Variants in OTUD7B observed in about 807,000 individuals in gnomAD.
OTUD7B encodes OTU domain-containing protein 7B.
A neutral mutation model predicts 82.2 loss-of-function variants in OTUD7B; 34 were observed. That is an observed-to-expected ratio of 0.41 (90% CI 0.31 to 0.55). OTUD7B has a LOEUF of 0.55. OTUD7B is among the 20% of genes least tolerant of loss of function. OTUD7B has a pLI of 0.20. For missense variants in OTUD7B, 944 were observed against 1,062.1 expected, an observed-to-expected ratio of 0.89 and a Z score of 1.55; for synonymous variants, 398 against 402.7, an observed-to-expected ratio of 0.99 and a Z score of 0.14.
In OTUD7B at chr1:149,944,331, C is replaced by T; in HGVS notation, c.2058G>A (p.Met686Ile). 1 of 1,611,724 alleles carries T rather than the reference C, an allele frequency of 6.2e-7. No individual in the cohort carries two copies. Among genetic ancestry groups the T allele is most frequent in the South Asian group, 1.1e-5 (1 of 90,884 alleles). Residue 686 changes from methionine to isoleucine, a missense_variant, in exon 12 of 12, where the codon ATG becomes ATA. Met to Ile is a conservative substitution (Grantham distance 10). Around this residue, in one of 3 missense-constraint regions of OTUD7B, gnomAD observed 412 missense variants for 418.7 expected, o/e 0.98. Transcript: ENST00000581312. ...CCCCAGGGTAGCCAGTGGAAAATGC[C>T]ATTGCCCTGGACTCTGCTGGGGGAC... ...PTGPPAESRA[M>I]AFSTGYPGDF... is the part of the protein sequence containing the mutation.
rs1248971041 is a variant in OTUD7B, at chr1:149,985,389, AGAGC to A, written c.-66-7817_-66-7814del. Reference sequence around the variant, plus strand: ...GCGACTGCACTCCAGCTTGGGCGACAGAGCGAGACCCCATCTCAAAATAAACAAA... The same window carrying A: ...GCGACTGCACTCCAGCTTGGGCGACAGAGACCCCATCTCAAAATAAACAAA... On this transcript the variant is annotated intron_variant, in intron 1 of 11. Transcript: ENST00000581312. Among the ~76,000 whole-genome samples the A allele has an allele frequency of 2.6e-5, 4 of 152,280 alleles. No individual in the cohort carries two copies. The East Asian group carries it at 7.7e-4, about 29-fold the overall frequency.
At chr1:150,012,979 G>C (rs12087578), upstream of OTUD7B, among the ~76,000 whole-genome samples, 19,409 of 152,170 alleles carry the variant, frequency 0.13, 1,795 homozygotes, top group African/African-American at 0.26. Context: ...GTTTCTCTGC[G>C]TAGAAACTAG....
At chr1:150,001,568 C>T (rs1377751952) in intron 1 of OTUD7B, among the ~76,000 whole-genome samples, 3 of 152,144 alleles carry the variant, frequency 2.0e-5, no homozygotes, top group Admixed American at 2.0e-4. Context: ...AAGTTATCTC[C>T]CCTAAAACAG....
At chr1:150,035,684 G>C in the OTUD7B span, among the ~76,000 whole-genome samples, 3 of 152,098 alleles carry the variant, frequency 2.0e-5, no homozygotes, top group Non-Finnish European at 4.4e-5. Flanking sequence ...GCTAGGTAGG[G>C]GGATAATCCT....
chr1:149,984,341 T>C (rs1553780390), intron 1 of OTUD7B, among the ~76,000 whole-genome samples: 1 of 152,222 alleles, frequency 6.6e-6, no homozygotes, highest in Non-Finnish European at 1.5e-5. Context: ...CAAATCTCCT[T>C]GTCCTCAACC....
the OTUD7B span, among the ~76,000 whole-genome samples, chr1:150,057,226 A>G: frequency 6.6e-6 from 1 of 152,214 alleles, no homozygotes; most frequent in African/African-American, 2.4e-5. Context: ...GCTTAGAAAG[A>G]GTAATTTAGT....
the OTUD7B span, among the ~76,000 whole-genome samples, chr1:150,030,058 C>G: frequency 6.6e-6 from 1 of 152,314 alleles, no homozygotes; most frequent in South Asian, 2.1e-4. Context: ...CTACTGCATT[C>G]TAAGTACAGC....
chr1:150,039,334 TAA>T, the OTUD7B span, among the ~76,000 whole-genome samples: 14 of 152,126 alleles, frequency 9.2e-5, no homozygotes, highest in Admixed American at 8.5e-4. Context: ...ACCATAATCA[TAA>T]GACTGAATAT....
chr1:149,963,537 T>A (rs1649297413), intron 6 of OTUD7B: 1 of 129,634 alleles, frequency 7.7e-6, no homozygotes, highest in Non-Finnish European at 1.6e-5. Flanking sequence ...GATAAAAGGT[T>A]TTTTTGTTTT....
At chr1:149,958,126 T>C (rs1167373284) in intron 7 of OTUD7B, among the ~76,000 whole-genome samples, 1 of 152,168 alleles carries the variant, frequency 6.6e-6, no homozygotes, top group Non-Finnish European at 1.5e-5. Context: ...TGCTGGGAGC[T>C]GTAGACTGGA....
the OTUD7B span, among the ~76,000 whole-genome samples, chr1:150,024,535 AAT>A: frequency 6.6e-6 from 1 of 152,254 alleles, no homozygotes; most frequent in Non-Finnish European, 1.5e-5. Flanking sequence ...AAACTGGAGA[AAT>A]TAATATTTTA....
chr1:149,953,743 C>G (rs587751800), intron 7 of OTUD7B, among the ~76,000 whole-genome samples: 2 of 152,252 alleles, frequency 1.3e-5, no homozygotes, highest in Admixed American at 6.5e-5. Context: ...GTTTGTAGTT[C>G]TCCTTGAAGA....
chr1:149,966,675 C>T (rs1049123773), intron 4 of OTUD7B, among the ~76,000 whole-genome samples: 1 of 152,056 alleles, frequency 6.6e-6, no homozygotes, highest in Non-Finnish European at 1.5e-5. Flanking sequence ...GAATGAAAAA[C>T]TGGCTTATAA....
In OTUD7B at chr1:149,965,896, T is replaced by C; in HGVS notation, c.503-18A>G. The C allele has an allele frequency of 1.3e-6, 2 of 1,596,454 alleles. No individual in the cohort carries two copies. Among genetic ancestry groups the C allele is most frequent in the Non-Finnish European group, 1.7e-6 (2 of 1,164,196 alleles). On this transcript the variant is annotated intron_variant, in intron 4 of 11. Transcript: ENST00000581312. ...CAAACGCCCTGTAGAAACAAGATAG[T>C]GGAGGAAAAGGAGATTATCCATGAA...
In OTUD7B at chr1:149,939,000, T is replaced by G. The variant is rs2092745939; in HGVS notation, c.*4857A>C. The G allele has an allele frequency of 6.7e-6, 1 of 148,188 alleles. No individual in the cohort carries two copies. The highest frequency in any genetic ancestry group is 1.5e-5 in the Non-Finnish European group (1 of 67,678). 9.2% of individuals were successfully genotyped at this position (148,188 alleles called of 1,614,324 possible). A position where few individuals can be genotyped will look rare whatever the true frequency, so the allele number is the denominator to read the frequency against. On this transcript the variant is annotated 3_prime_UTR_variant, in exon 12 of 12. Transcript: ENST00000581312. ...GGAGAAAAGAATTGGGCGATTTGGA[T>G]CAATACTTAACCAGGAATGGAGTGG...
chr1:150,012,058 G>A (rs1386001841), upstream of OTUD7B, among the ~76,000 whole-genome samples: 6 of 152,304 alleles, frequency 3.9e-5, no homozygotes, highest in African/African-American at 1.4e-4. Context: ...CCTTGCATGG[G>A]GGCATATCCA....
At chr1:150,027,143 A>G in the OTUD7B span, among the ~76,000 whole-genome samples, 2 of 152,308 alleles carry the variant, frequency 1.3e-5, no homozygotes, top group South Asian at 4.1e-4. Flanking sequence ...GTATTATATC[A>G]GGTGATTCTG....
intron 1 of OTUD7B, among the ~76,000 whole-genome samples, chr1:150,004,691 T>C (rs1259002462): frequency 6.6e-6 from 1 of 152,000 alleles, no homozygotes; most frequent in Admixed American, 6.6e-5. Flanking sequence ...CCCACCTTCA[T>C]TTCACTACTG....
rs1476133161 is a variant in OTUD7B at position 149,941,746 on chromosome 1, T to C, written c.*2111A>G. 1 of 152,216 alleles carries C rather than the reference T, an allele frequency of 6.6e-6. No homozygotes were observed. Among genetic ancestry groups the C allele is most frequent in the African/African-American group, 2.4e-5 (1 of 41,458 alleles). The allele number at this position is 152,216 out of a possible 1,614,324, so 9.4% of individuals were successfully genotyped here. On this transcript the variant is annotated 3_prime_UTR_variant, in exon 12 of 12. Coordinates refer to ENST00000581312, the MANE Select transcript of OTUD7B (RefSeq NM_020205.4). ...GATCCTGTAAGATTTCGCTATTTTA[T>C]CCAACATAAATTTTTTGCATTAATT...
Sources: gnomAD v4.1 joint callset for allele counts (sites outside exome capture counted in the v4.1 genomes callset) on GRCh38, gnomAD v4.1.1 for gene constraint, gnomAD v4.1.1 regional missense constraint, MANE v1.5 for transcripts, NCBI Gene and HGNC (gene_info 2026-07-23, HGNC 2026-07-21) for gene names.